Variants in XKR6 observed in about 807,000 individuals in gnomAD.
The protein encoded by XKR6 is XK-related protein 6.
Under a neutral mutation model 56.7 loss-of-function variants are expected in XKR6, and 22 were observed. That is an observed-to-expected ratio of 0.39 (90% CI 0.28 to 0.55). XKR6 has a LOEUF of 0.55. Among genes scored for constraint, XKR6 ranks in the 20% least tolerant of loss-of-function variants. The pLI is 0.66. For synonymous variants in XKR6, 524 were observed against 387.8 expected, an observed-to-expected ratio of 1.35 and a Z score of -4.13; for missense variants, 852 against 889.0, an observed-to-expected ratio of 0.96 and a Z score of 0.53.
At chr8:10,926,982 C>G (rs7843470) in intron 1 of XKR6, among the ~76,000 whole-genome samples, 76,212 of 151,960 alleles carry the variant, frequency 0.5, 20,739 homozygotes, top group African/African-American at 0.68. Flanking sequence ...CGGAGAGACA[C>G]AGAAGTAGGA....
At chr8:10,930,911 C>T (rs1801033509) in intron 1 of XKR6, among the ~76,000 whole-genome samples, 1 of 152,182 alleles carries the variant, frequency 6.6e-6, no homozygotes, top group Non-Finnish European at 1.5e-5. Flanking sequence ...CAACATCATA[C>T]TAGAAGTCCT....
At chr8:11,193,741 C>T (rs1169539452) in intron 1 of XKR6, among the ~76,000 whole-genome samples, 1 of 113,278 alleles carries the variant, frequency 8.8e-6, no homozygotes, top group African/African-American at 3.7e-5. Context: ...GGTTCTGACC[C>T]CCCCCCCCCC....
At chr8:11,143,489 C>T (rs1482863754) in intron 1 of XKR6, among the ~76,000 whole-genome samples, 1 of 152,210 alleles carries the variant, frequency 6.6e-6, no homozygotes, top group Admixed American at 6.5e-5. Flanking sequence ...ACCAGCAGAG[C>T]GCAGACTGAG....
intron 1 of XKR6, among the ~76,000 whole-genome samples, chr8:11,133,654 T>C (rs987382100): frequency 1.3e-5 from 2 of 152,154 alleles, no homozygotes; most frequent in African/African-American, 4.8e-5. Flanking sequence ...AAAAGCATGC[T>C]GGCAGGGCTA....
intron 1 of XKR6, among the ~76,000 whole-genome samples, chr8:11,084,257 A>G (rs570469057): frequency 6.6e-6 from 1 of 152,354 alleles, no homozygotes; most frequent in East Asian, 1.9e-4. Flanking sequence ...GAGAGTTGGA[A>G]ATCTGGTCAG....
chr8:10,924,806 C>T lies in XKR6; in HGVS notation c.789G>A (p.Gly263=). The T allele has an allele frequency of 1.2e-6, 2 of 1,613,862 alleles. No individual in the cohort carries two copies. The highest frequency in any genetic ancestry group is 2.2e-5 in the East Asian group (1 of 44,888). Residue 263 remains glycine, a synonymous_variant, in exon 2 of 3, where the codon GGG becomes GGA. Transcript: ENST00000416569. ...GTTCCTTCCGCCGCTGGCTCTGAAT[C>T]CCCAGGTACATGGTGCGGATATACC... The part of the protein sequence containing the change: ...VWRYIRTMYL[G]IQSQRRKEHQ...
intron 1 of XKR6, among the ~76,000 whole-genome samples, chr8:10,950,049 C>A (rs987039346): frequency 2.0e-5 from 3 of 152,210 alleles, no homozygotes; most frequent in Non-Finnish European, 4.4e-5. Flanking sequence ...TGCCCCTCCA[C>A]CCTTCCTGGC....
intron 1 of XKR6, among the ~76,000 whole-genome samples, chr8:11,107,382 G>A (rs1231326691): frequency 6.6e-6 from 1 of 151,782 alleles, no homozygotes; most frequent in Non-Finnish European, 1.5e-5. Context: ...TTTATTTTTT[G>A]TAGAGACAGG....
chr8:11,068,089 G>A (rs948342132), intron 1 of XKR6, among the ~76,000 whole-genome samples: 1 of 152,218 alleles, frequency 6.6e-6, no homozygotes, highest in Non-Finnish European at 1.5e-5. Context: ...CTCAATAGTG[G>A]TGTGTTGATT....
intron 1 of XKR6, among the ~76,000 whole-genome samples, chr8:11,067,275 T>C (rs906207618): frequency 2.6e-5 from 4 of 152,182 alleles, no homozygotes; most frequent in Non-Finnish European, 1.5e-5. Context: ...AAAATAAACC[T>C]GCACATTTGG....
chr8:10,902,019 G>A (rs747089688), intron 2 of XKR6, among the ~76,000 whole-genome samples: 8 of 152,146 alleles, frequency 5.3e-5, no homozygotes, highest in Non-Finnish European at 8.8e-5. Context: ...CAGGTGTGTC[G>A]CTGTGGTTTT....
At chr8:11,106,387 G>GT (rs1338686142) in intron 1 of XKR6, 2 of 152,294 alleles carry the variant, frequency 1.3e-5, no homozygotes, top group African/African-American at 4.8e-5. Context: ...AGAGAGGCCG[G>GT]TATCGGGTCT....
At chr8:10,990,362 A>C (rs924748572) in intron 1 of XKR6, among the ~76,000 whole-genome samples, 5 of 152,134 alleles carry the variant, frequency 3.3e-5, no homozygotes, top group Non-Finnish European at 7.3e-5. Flanking sequence ...CTGGTCCCAA[A>C]GGGAGCTGTC....
chr8:11,019,026 C>G (rs1257311992), intron 1 of XKR6, among the ~76,000 whole-genome samples: 1 of 152,174 alleles, frequency 6.6e-6, no homozygotes, highest in Non-Finnish European at 1.5e-5. Context: ...GCCCCCTCAC[C>G]CACTCCCCCA....
At chr8:10,927,045 C>G (rs1311496646) in intron 1 of XKR6, among the ~76,000 whole-genome samples, 1 of 152,146 alleles carries the variant, frequency 6.6e-6, no homozygotes, top group East Asian at 1.9e-4. Flanking sequence ...ACTTGGGGGT[C>G]TGAGGAGAGG....
chr8:10,920,908 CCAAA>C (rs1480627908), intron 2 of XKR6, among the ~76,000 whole-genome samples: 1 of 152,270 alleles, frequency 6.6e-6, no homozygotes, highest in African/African-American at 2.4e-5. Context: ...ATTCCACATC[CCAAA>C]CAAACCTGGG....
intron 1 of XKR6, among the ~76,000 whole-genome samples, chr8:11,052,056 A>T (rs1367523112): frequency 3.3e-5 from 5 of 152,026 alleles, no homozygotes; most frequent in African/African-American, 1.2e-4. Flanking sequence ...CATAAAATCC[A>T]ATGTTCTTTC....
intron 1 of XKR6, chr8:11,138,663 T>C (rs889588576): frequency 1.3e-5 from 2 of 152,220 alleles, no homozygotes; most frequent in Non-Finnish European, 2.9e-5. Flanking sequence ...TTTTTTTAAA[T>C]AATCAGTTTT....
At chr8:10,956,110 C>T (rs1380044843) in intron 1 of XKR6, among the ~76,000 whole-genome samples, 1 of 152,192 alleles carries the variant, frequency 6.6e-6, no homozygotes, top group Non-Finnish European at 1.5e-5. Flanking sequence ...TTTCTCCTGC[C>T]ACCTTGCTGC....
Sources: gnomAD v4.1 joint callset for allele counts (sites outside exome capture counted in the v4.1 genomes callset) on GRCh38, gnomAD v4.1.1 for gene constraint, MANE v1.5 for transcripts, NCBI Gene and HGNC (gene_info 2026-07-23, HGNC 2026-07-21) for gene names.